Variants in SSRP1 observed in about 807,000 individuals in gnomAD.
The protein encoded by SSRP1 is structure specific recognition protein 1.
A neutral mutation model predicts 84.4 loss-of-function variants in SSRP1; 21 were observed. That is an observed-to-expected ratio of 0.25 (90% confidence interval 0.18 to 0.36). The LOEUF is 0.36. Ranked by LOEUF, SSRP1 falls within the 10% of genes least tolerant of loss-of-function variation. SSRP1 has a pLI of 1.00. For synonymous variants in SSRP1, 319 were observed against 318.3 expected (o/e 1.00, Z -0.02); for missense variants, 519 against 900.8 (o/e 0.58, Z 5.43).
At position 57,330,863 on chromosome 11, in the gene SSRP1, A is replaced by ATCC. The variant is rs2081292071; in HGVS notation, c.1285_1287dup (p.Gly429dup). 6.2e-7 allele frequency: 1 copy of ATCC among 1,614,094 alleles called. No homozygotes were observed. Among genetic ancestry groups the ATCC allele is most frequent in the South Asian group, 1.1e-5 (1 of 91,086 alleles). ...TCCCCACACAGAAGTACCTCTTTCAATCCTCGGTTTTTGATGTTGAGCTTT... is the reference window on the plus strand; with the variant it reads ...TCCCCACACAGAAGTACCTCTTTCAATCCTCCTCGGTTTTTGATGTTGAGCTTT... On this transcript the variant is annotated inframe_insertion, in exon 10 of 17. Coordinates refer to ENST00000278412, the MANE Select transcript of SSRP1 (RefSeq NM_003146.3). The surrounding 1 kb of genome is among the most constrained non-coding windows in gnomAD (Gnocchi z 4.0).
At position 57,334,713 on chromosome 11, in the gene SSRP1, T is replaced by C; in HGVS notation, c.55-65A>G. 3.9e-6 allele frequency: 6 copies of C among 1,550,542 alleles called. No homozygotes were observed. The South Asian group carries it at 7.0e-5, about 18-fold the overall frequency. On this transcript the variant is annotated intron_variant, in intron 2 of 16. Transcript: ENST00000278412. Reference sequence around the variant, plus strand: ...CAGCATGTCCTGGGTTCTACAGCTCTACCTAACACACATTCCTGCTGCAAG... The same window carrying C: ...CAGCATGTCCTGGGTTCTACAGCTCCACCTAACACACATTCCTGCTGCAAG...
Position 57,332,971 on chromosome 11 carries a change from C to T in SSRP1, c.525G>A (p.Val175=). 6.2e-7 allele frequency: 1 copy of T among 1,612,104 alleles called. No individual in the cohort carries two copies. The highest frequency in any genetic ancestry group is 2.2e-5 in the East Asian group (1 of 44,862). ...GGGGAAGCCTCACCTCAACAGGGTC[C>T]ACACCATCCTCCTGGGTGGGTGGGA... ...FYVPPTQEDG[V]DPVEAFAQNV... The change falls in exon 5 of 17, where the codon GTG becomes GTA. Residue 175 remains valine, a synonymous_variant. Coordinates refer to ENST00000278412, the MANE Select transcript of SSRP1 (RefSeq NM_003146.3). The surrounding 1 kb of genome is among the most constrained non-coding windows in gnomAD (Gnocchi z 5.5).
At chr11:57,329,507 G>A (rs79253757) in intron 12 of SSRP1, 2,655 of 159,424 alleles carry the variant, frequency 0.017, 85 homozygotes, top group African/African-American at 0.061. Context: ...GCTTCTGAGA[G>A]TCACTGGGCA....
chr11:57,331,168 G>C (rs544885168), intron 9 of SSRP1, among the ~76,000 whole-genome samples: 13 of 152,314 alleles, frequency 8.5e-5, no homozygotes, highest in Admixed American at 5.9e-4. Flanking sequence ...GCAGGGAGGG[G>C]TGCGCATCTG....
intron 4 of SSRP1, 62 bp from the exon 5 acceptor site, chr11:57,333,211 C>T: frequency 6.5e-7 from 1 of 1,526,840 alleles, no homozygotes; most frequent in African/African-American, 1.4e-5. Flanking sequence ...AAGCAATATT[C>T]CCACCAAACT....
rs1342255035 is a variant in SSRP1 at position 57,326,290 on chromosome 11, T to C, written c.*117A>G. On this transcript the variant is annotated 3_prime_UTR_variant, in exon 17 of 17. Coordinates refer to ENST00000278412, the MANE Select transcript of SSRP1 (RefSeq NM_003146.3). ...TGACATACACACCAACAGGAGAGCA[T>C]GTTCAGATGGCACAGAATCCAGGGA... The C allele has an allele frequency of 9.3e-6, 9 of 962,972 alleles. No individual in the cohort carries two copies. In the South Asian group the frequency reaches 1.1e-4, roughly 12 times the overall value. 59.7% of individuals were successfully genotyped at this position (962,972 alleles called of 1,614,324 possible).
intron 12 of SSRP1, 127 bp downstream of exon 12, chr11:57,329,966 A>G (rs1413986370): frequency 2.6e-6 from 3 of 1,159,648 alleles, no homozygotes; most frequent in Non-Finnish European, 3.9e-6. Context: ...ATATCACCTC[A>G]TTGGAGGTCA....
At position 57,333,425 on chromosome 11, in the gene SSRP1, C is replaced by T. The variant is rs747755807; in HGVS notation, c.346+10G>A. 3 of 1,611,646 alleles carry T rather than the reference C, an allele frequency of 1.9e-6. No homozygotes were observed. Among genetic ancestry groups the T allele is most frequent in the Non-Finnish European group, 2.5e-6 (3 of 1,177,988 alleles). On this transcript the variant is annotated intron_variant, in intron 4 of 16. Transcript: ENST00000278412. Reference sequence around the variant, plus strand: ...TTCCTCCCCAAACCTCAGTCTTCCCCAGGACTCACCACCAAATTTCACTGT... The same window carrying T: ...TTCCTCCCCAAACCTCAGTCTTCCCTAGGACTCACCACCAAATTTCACTGT...
At chr11:57,333,256 GT>G in intron 4 of SSRP1, 107 bp from the exon 5 acceptor site, 1 of 1,321,406 alleles carries the variant, frequency 7.6e-7, no homozygotes, top group Non-Finnish European at 1.1e-6. Context: ...CGGTTAGTCT[GT>G]TTAGACTATA....
In SSRP1 at chr11:57,333,161, G is replaced by T; in HGVS notation, c.347-12C>A. ...GGAAAGCAGCTGCCCTGTGAGGAAA[G>T]GGCTTATCCAGCCACAAGCTCCTCC... On this transcript the variant is annotated splice_polypyrimidine_tract_variant and intron_variant, in intron 4 of 16. Coordinates refer to ENST00000278412, the MANE Select transcript of SSRP1 (RefSeq NM_003146.3). The T allele has an allele frequency of 6.3e-7, 1 of 1,596,314 alleles. No individual in the cohort carries two copies.
In SSRP1 at chr11:57,332,500, G is replaced by C. The variant is rs752349350; in HGVS notation, c.769-14C>G. Reference sequence around the variant, plus strand: ...ATCCAGGCTGATCTAGTAAGGAAGAGTACTAATTGACACTCTACAACAACT... The same window carrying C: ...ATCCAGGCTGATCTAGTAAGGAAGACTACTAATTGACACTCTACAACAACT... On this transcript the variant is annotated splice_polypyrimidine_tract_variant and intron_variant, in intron 6 of 16. Transcript: ENST00000278412. This position sits in a 1 kb window ranked among gnomAD's most constrained non-coding sequence, Gnocchi z 5.5. 3.2e-5 allele frequency: 51 copies of C among 1,613,564 alleles called. No individual in the cohort carries two copies. The highest frequency in any genetic ancestry group is 4.3e-5 in the Non-Finnish European group (51 of 1,179,692).
In SSRP1 at chr11:57,330,076, G is replaced by A. The variant is rs1478862399; in HGVS notation, c.1481+17C>T. 1 of 1,614,060 alleles carries A rather than the reference G, an allele frequency of 6.2e-7. No individual in the cohort carries two copies. Among genetic ancestry groups the A allele is most frequent in the South Asian group, 1.1e-5 (1 of 91,080 alleles). On this transcript the variant is annotated intron_variant, in intron 12 of 16. Coordinates refer to ENST00000278412, the MANE Select transcript of SSRP1 (RefSeq NM_003146.3). This position sits in a 1 kb window ranked among gnomAD's most constrained non-coding sequence, Gnocchi z 4.0. ...TGGGTCACCATCTTATCCCCACAAG[G>A]TACCACCAAAACTCACTCCTCTGCC...
Position 57,326,853 on chromosome 11 carries a change from C to G in SSRP1, c.1908G>C (p.Lys636Asn). The change falls in exon 16 of 17, where the codon AAG becomes AAC. Residue 636 changes from lysine (K) to asparagine (N), a missense_variant. Lys to Asn is a moderately conservative substitution (Grantham distance 94). Around this residue, in one of 7 missense-constraint regions of SSRP1, gnomAD observed 197 missense variants for 265.0 expected, o/e 0.74. Coordinates refer to ENST00000278412, the MANE Select transcript of SSRP1 (RefSeq NM_003146.3). ...KSKKKKKVKV[K>N]MEKKSTPSRG... Reference sequence around the variant, plus strand: ...TAGAGGGCGTGGATTTCTTTTCCATCTTTACCTTTACTTTCTTCTTCTTCT... The same window carrying G: ...TAGAGGGCGTGGATTTCTTTTCCATGTTTACCTTTACTTTCTTCTTCTTCT... The G allele has an allele frequency of 6.2e-6, 10 of 1,613,558 alleles. No homozygotes were observed. The highest frequency in any genetic ancestry group is 8.5e-6 in the Non-Finnish European group (10 of 1,179,738).
intron 12 of SSRP1, chr11:57,329,618 G>A (rs760476525): frequency 5.6e-6 from 1 of 177,816 alleles, no homozygotes; most frequent in Non-Finnish European, 1.2e-5. Context: ...CCCAGACTCC[G>A]CAGTAATATG....
In SSRP1 at chr11:57,327,368, TAA is replaced by T. The variant is rs879223950; in HGVS notation, c.1871+56_1871+57del. ...TTTCCAATGCTCAACTTCGGCCTGT[TAA>T]AAAAAAAAAAGTCTGCCACAAAAAT... On this transcript the variant is annotated intron_variant, in intron 15 of 16. Coordinates refer to ENST00000278412, the MANE Select transcript of SSRP1 (RefSeq NM_003146.3). 2.4e-3 allele frequency: 3,044 copies of T among 1,286,488 alleles called. 30 individuals carry two copies. The African/African-American group carries it at 0.027, about 11-fold the overall frequency. The allele number at this position is 1,286,488 out of a possible 1,614,324, so 79.7% of individuals were successfully genotyped here.
In SSRP1 at chr11:57,330,662, G is replaced by A; in HGVS notation, c.1296+193C>T. The A allele has an allele frequency of 1.4e-6, 2 of 1,449,282 alleles. No homozygotes were observed. The highest frequency in any genetic ancestry group is 1.8e-6 in the Non-Finnish European group (2 of 1,108,074). 89.8% of individuals were successfully genotyped at this position (1,449,282 alleles called of 1,614,324 possible). A position where few individuals can be genotyped will look rare whatever the true frequency, so the allele number is the denominator to read the frequency against. ...TCCCAGCCCCACTGGGGGCTCCTGA[G>A]GGGCTGCATAGACTGGTCTAAGGTC... On this transcript the variant is annotated intron_variant, in intron 10 of 16. Transcript: ENST00000278412. The surrounding 1 kb of genome is among the most constrained non-coding windows in gnomAD (Gnocchi z 4.0).
In SSRP1 at chr11:57,332,269, T is replaced by C. The variant is rs775473221; in HGVS notation, c.884A>G (p.Glu295Gly). ...GGTGAGCCGACCCTCAAAGCGCTTC[T>C]CCACTTCTTCCCTACAAAGAAAGCA... ...LTLNMNEEEV[E>G]KRFEGRLTKN... Residue 295 changes from glutamate (E) to glycine (G), a missense_variant, in exon 8 of 17, where the codon GAG (glutamate) becomes GGG (glycine). By Grantham distance (98) the Glu-to-Gly change is moderately conservative. Transcript: ENST00000278412. The surrounding 1 kb of genome is among the most constrained non-coding windows in gnomAD (Gnocchi z 5.5). 1 of 1,614,008 alleles carries C rather than the reference T, an allele frequency of 6.2e-7. No homozygotes were observed. The highest frequency in any genetic ancestry group is 1.1e-5 in the South Asian group (1 of 91,066).
At chr11:57,334,789 G>C (rs944334263) in intron 2 of SSRP1, 141 bp from the exon 3 acceptor site, 5 of 1,036,422 alleles carry the variant, frequency 4.8e-6, no homozygotes, top group Admixed American at 4.7e-5. Flanking sequence ...GTGCCAAGGA[G>C]TCTAGATTCT....
Position 57,330,225 on chromosome 11 carries a change from A to T in SSRP1, c.1435+66T>A. The T allele has an allele frequency of 6.2e-7, 1 of 1,614,114 alleles. No homozygotes were observed. The highest frequency in any genetic ancestry group is 8.5e-7 in the Non-Finnish European group (1 of 1,179,970). On this transcript the variant is annotated intron_variant, in intron 11 of 16. Transcript: ENST00000278412. This position sits in a 1 kb window ranked among gnomAD's most constrained non-coding sequence, Gnocchi z 4.0. The stretch of plus-strand genomic sequence containing the variant: ...GGCACCCAGCTCTGGCCCAAGGGTG[A>T]GTCCAGCCCGGGCCACAGCGAGGAG...
Sources: gnomAD v4.1 joint callset for allele counts (sites outside exome capture counted in the v4.1 genomes callset) on GRCh38, gnomAD v4.1.1 for gene constraint, gnomAD v4.1.1 regional missense constraint, Gnocchi (gnomAD v3.1) non-coding constraint, MANE v1.5 for transcripts, NCBI Gene and HGNC (gene_info 2026-07-23, HGNC 2026-07-21) for gene names.